The following CELF2 variants were observed in gnomAD, a reference collection of about 807,000 sequenced individuals.
CELF2 encodes the protein CUGBP Elav-like family member 2.
A neutral mutation model predicts 62.6 loss-of-function variants in CELF2; 8 were observed. The ratio of observed to expected loss-of-function variants is 0.13; its 90% CI spans 0.07 to 0.23. The LOEUF (loss-of-function observed/expected upper bound fraction) is 0.23. Ranked by LOEUF, CELF2 falls within the 10% of genes least tolerant of loss-of-function variation. The probability of loss-of-function intolerance (pLI) is 1.00; values close to 1 mark genes in which losing one functional copy is unlikely to be tolerated. For missense variants in CELF2, 333 were observed against 671.0 expected (o/e 0.50, Z 5.56); for synonymous variants, 258 against 250.0 (o/e 1.03, Z -0.30).
At chr10:10,709,440 C>T in the CELF2 span, among the ~76,000 whole-genome samples, 1 of 152,136 alleles carries the variant, frequency 6.6e-6, no homozygotes, top group Admixed American at 6.5e-5. Flanking sequence ...CCCACGCCCA[C>T]CCTGCTTTTA....
In CELF2 at chr10:11,217,624, G is replaced by A; in HGVS notation, c.354+117G>A. On this transcript the variant is annotated intron_variant, in intron 3 of 12. Transcript: ENST00000633077. This position sits in a 1 kb window ranked among gnomAD's most constrained non-coding sequence, Gnocchi z 5.6. Reference sequence around the variant, plus strand: ...AAATGACTTTGGTCTTTTGAGGAGTGTGTGCTGACCCCCCAGTTCCCTGCA... The same window carrying A: ...AAATGACTTTGGTCTTTTGAGGAGTATGTGCTGACCCCCCAGTTCCCTGCA... 1 of 693,374 alleles carries A rather than the reference G, an allele frequency of 1.4e-6. No individual in the cohort carries two copies. The highest frequency in any genetic ancestry group is 2.4e-6 in the Non-Finnish European group (1 of 409,662). The allele number at this position is 693,374 out of a possible 1,614,324, so 43.0% of individuals were successfully genotyped here. A position where few individuals can be genotyped will look rare whatever the true frequency, so the allele number is the denominator to read the frequency against.
intron 1 of CELF2, among the ~76,000 whole-genome samples, chr10:10,903,567 T>A (rs891135109): frequency 6.6e-6 from 1 of 152,248 alleles, no homozygotes; most frequent in East Asian, 1.9e-4. Context: ...AGTCTAAAGA[T>A]GAGTCAATGT....
chr10:11,020,821 G>A (rs2058194435), intron 1 of CELF2, among the ~76,000 whole-genome samples: 1 of 152,194 alleles, frequency 6.6e-6, no homozygotes, highest in Non-Finnish European at 1.5e-5. Flanking sequence ...AAAGAGCCCA[G>A]ATCATTTAAG....
chr10:11,266,721 A>G, intron 6 of CELF2, 44 bp downstream of exon 6: 1 of 1,494,668 alleles, frequency 6.7e-7, no homozygotes, highest in Non-Finnish European at 9.3e-7. Context: ...TGTGCAAATG[A>G]TGGGGAATGG....
At chr10:10,697,055 A>G in the CELF2 span, among the ~76,000 whole-genome samples, 1 of 152,066 alleles carries the variant, frequency 6.6e-6, no homozygotes, top group African/African-American at 2.4e-5. Flanking sequence ...AATATCTTCA[A>G]GATGTTTGGT....
chr10:11,293,332 A>C (rs1215705260), intron 9 of CELF2, among the ~76,000 whole-genome samples: 1 of 152,232 alleles, frequency 6.6e-6, no homozygotes, highest in Non-Finnish European at 1.5e-5. Flanking sequence ...TGTAATTTAC[A>C]CTATAAGAAG....
intron 1 of CELF2, among the ~76,000 whole-genome samples, chr10:11,079,214 T>C (rs554582177): frequency 2.0e-5 from 3 of 152,258 alleles, no homozygotes; most frequent in Non-Finnish European, 4.4e-5. Context: ...AATGTATAAA[T>C]TTCATACGTT....
intron 1 of CELF2, among the ~76,000 whole-genome samples, chr10:11,053,997 T>C (rs1404193478): frequency 1.3e-5 from 2 of 152,184 alleles, no homozygotes; most frequent in Non-Finnish European, 2.9e-5. Flanking sequence ...CTATATTTGC[T>C]AATTTTGGAA....
chr10:11,086,608 A>AAC (rs1564676564), intron 1 of CELF2, among the ~76,000 whole-genome samples: 1 of 130,716 alleles, frequency 7.7e-6, no homozygotes, highest in Non-Finnish European at 1.6e-5. Context: ...AAAAAAAAAA[A>AAC]AACTCCCGAC....
intron 2 of CELF2, among the ~76,000 whole-genome samples, chr10:10,942,743 T>G (rs1179707112): frequency 6.6e-6 from 1 of 152,214 alleles, no homozygotes; most frequent in Non-Finnish European, 1.5e-5. Context: ...ATACGCAGAC[T>G]TGATTCTAAA....
In CELF2 at chr10:11,247,773, C is replaced by T. The variant is rs575105572; in HGVS notation, c.355-1380C>T. On this transcript the variant is annotated intron_variant, in intron 3 of 12. Coordinates refer to ENST00000633077, the MANE Select transcript of CELF2 (RefSeq NM_001326342.2). The surrounding 1 kb of genome is among the most constrained non-coding windows in gnomAD (Gnocchi z 5.4). Reference sequence around the variant, plus strand: ...GAGGATCGCTTGCTCAAAGACTCTGCCCATCTCCCCCAGGCATGTTGCTGG... The same window carrying T: ...GAGGATCGCTTGCTCAAAGACTCTGTCCATCTCCCCCAGGCATGTTGCTGG... Among the ~76,000 whole-genome samples the T allele has an allele frequency of 1.3e-4, 20 of 152,304 alleles. No homozygotes were observed. Among genetic ancestry groups the T allele is most frequent in the Admixed American group, 4.6e-4 (7 of 15,296 alleles).
chr10:10,977,002 C>A (rs960071572), intron 2 of CELF2, among the ~76,000 whole-genome samples: 1 of 149,940 alleles, frequency 6.7e-6, no homozygotes, highest in Non-Finnish European at 1.5e-5. Flanking sequence ...TGACTGTGTC[C>A]CAGAAAGAAA....
At chr10:10,640,146 T>TA in the CELF2 span, among the ~76,000 whole-genome samples, 1 of 152,344 alleles carries the variant, frequency 6.6e-6, no homozygotes, top group South Asian at 2.1e-4. Flanking sequence ...CTTATGTCTT[T>TA]AATTATGTAT....
At chr10:10,841,730 C>A (rs11511683) in intron 1 of CELF2, among the ~76,000 whole-genome samples, 18,827 of 151,996 alleles carry the variant, frequency 0.12, 1,516 homozygotes, top group Non-Finnish European at 0.19. Context: ...TTTTCCTCTT[C>A]AGTATTGTTT....
At chr10:10,550,076 G>A in the CELF2 span, among the ~76,000 whole-genome samples, 2 of 152,146 alleles carry the variant, frequency 1.3e-5, no homozygotes, top group Non-Finnish European at 2.9e-5. Flanking sequence ...ACTCTCCAAA[G>A]GCTATTAATA....
rs1554936318 is a variant in CELF2, at chr10:11,197,025, A to AAAAAG, written c.272-20397_272-20396insAGAAA. Among the ~76,000 whole-genome samples, 2 of 26,048 alleles carry AAAAAG rather than the reference A, an allele frequency of 7.7e-5. 1 individual carries two copies. 17.1% of individuals were successfully genotyped at this position (26,048 alleles called of 152,430 possible). ...AGGAGAAAGAAAGAAAGAAAGAAAG[A>AAAAAG]AAAGAAAGAAAGAAAGAAAGAAAGA... On this transcript the variant is annotated intron_variant, in intron 2 of 12. Transcript: ENST00000633077.
At chr10:11,035,431 C>A (rs533661000) in intron 1 of CELF2, among the ~76,000 whole-genome samples, 1 of 152,094 alleles carries the variant, frequency 6.6e-6, no homozygotes, top group Non-Finnish European at 1.5e-5. Flanking sequence ...AACTTTTCCC[C>A]GTTCTGGAAA....
rs566344602 is a variant in CELF2 at position 11,030,609 on chromosome 10, C to T, written c.74+12446C>T. 3.3e-5 allele frequency: 5 copies of T among 152,396 alleles called. No individual in the cohort carries two copies. The East Asian group carries it at 9.6e-4, about 29-fold the overall frequency. 9.4% of individuals were successfully genotyped at this position (152,396 alleles called of 1,614,324 possible). ...TTCTCACCTCCAAAGCCTGAGGTTG[C>T]ACCTCTGTTCCTCGTTTCCAAAGCC... On this transcript the variant is annotated intron_variant, in intron 1 of 12. Coordinates refer to ENST00000633077, the MANE Select transcript of CELF2 (RefSeq NM_001326342.2).
At position 11,288,549 on chromosome 10, in the gene CELF2, C is replaced by G; in HGVS notation, c.973C>G (p.Pro325Ala). The G allele has an allele frequency of 6.2e-7, 1 of 1,613,646 alleles. No homozygotes were observed. The highest frequency in any genetic ancestry group is 8.5e-7 in the Non-Finnish European group (1 of 1,179,908). ...TSSALGALTS[P>A]VAASTPNSTA... ...CAGCGCCCTGGGAGCCCTCACGAGT[C>G]CCGGTGAGTGTGGGGGGTGCTCTTC... The change falls in exon 9 of 13, where the codon CCC becomes GCC. Residue 325 changes from proline to alanine, a missense_variant. By Grantham distance (27) the Pro-to-Ala change is conservative. Around this residue, in one of 3 missense-constraint regions of CELF2, gnomAD observed 253 missense variants for 503.0 expected, o/e 0.50. Coordinates refer to ENST00000633077, the MANE Select transcript of CELF2 (RefSeq NM_001326342.2).
Sources: allele counts gnomAD v4.1 joint callset (sites outside exome capture counted in the v4.1 genomes callset), GRCh38; gene constraint gnomAD v4.1.1; regional missense constraint gnomAD v4.1.1; non-coding constraint Gnocchi (gnomAD v3.1); transcripts MANE v1.5; gene names NCBI Gene and HGNC (gene_info 2026-07-23, HGNC 2026-07-21).